Variants in ZBTB7C observed in about 807,000 individuals in gnomAD.
ZBTB7C encodes the protein zinc finger and BTB domain containing 7C.
A neutral mutation model predicts 25.7 loss-of-function variants in ZBTB7C; 8 were observed. The ratio of observed to expected loss-of-function variants is 0.31; its 90% CI spans 0.18 to 0.56. ZBTB7C has a LOEUF of 0.56. Ranked by LOEUF, ZBTB7C falls within the 20% of genes least tolerant of loss-of-function variation. The pLI, the probability that ZBTB7C is intolerant of heterozygous loss-of-function variation, is 0.91. For missense variants in ZBTB7C, 824 were observed against 855.2 expected (o/e 0.96, Z 0.46); for synonymous variants, 394 against 369.0 (o/e 1.07, Z -0.78).
intron 3 of ZBTB7C, among the ~76,000 whole-genome samples, chr18:48,063,716 G>C (rs2037211251): frequency 6.6e-6 from 1 of 152,202 alleles, no homozygotes; most frequent in Non-Finnish European, 1.5e-5. Flanking sequence ...GAGATGTCTT[G>C]AGAGGTGTAT....
In ZBTB7C at chr18:48,155,318, C is replaced by CTT. The variant is rs578058729; in HGVS notation, c.-17+30614_-17+30615dup. Reference sequence around the variant, plus strand: ...GAGGATTCCCTGTAACTGTAATATTCTTTTTTTTTTTTTTTTTTTTTTTTT... The same window carrying CTT: ...GAGGATTCCCTGTAACTGTAATATTCTTTTTTTTTTTTTTTTTTTTTTTTTTT... On this transcript the variant is annotated intron_variant, in intron 3 of 4. Transcript: ENST00000590800. Among the ~76,000 whole-genome samples, 186 of 78,042 alleles carry CTT rather than the reference C, an allele frequency of 2.4e-3. 22 individuals are homozygous for CTT. Among genetic ancestry groups the CTT allele is most frequent in the Middle Eastern group, 8.9e-3 (1 of 112 alleles). The allele number at this position is 78,042 out of a possible 152,430, so 51.2% of individuals were successfully genotyped here.
At chr18:48,041,882 T>C (rs1263163968) in intron 3 of ZBTB7C, among the ~76,000 whole-genome samples, 1 of 152,132 alleles carries the variant, frequency 6.6e-6, no homozygotes, top group Non-Finnish European at 1.5e-5. Flanking sequence ...AAGTACATTG[T>C]TAGTTAATTT....
At position 48,124,458 on chromosome 18, in the gene ZBTB7C, C is replaced by G. The variant is rs111499760; in HGVS notation, c.-17+61476G>C. Among the ~76,000 whole-genome samples the G allele has an allele frequency of 2.3e-3, 354 of 152,314 alleles. 4 individuals carry two copies. The highest frequency in any genetic ancestry group is 7.0e-3 in the African/African-American group (291 of 41,566). On this transcript the variant is annotated intron_variant, in intron 3 of 4. Transcript: ENST00000590800. ...TTATCTTTTGCACATGCTTTTACTA[C>G]TCAGTTATTGTTTATCGTATATTAA...
chr18:48,086,190 G>A (rs2038183062), intron 3 of ZBTB7C, among the ~76,000 whole-genome samples: 1 of 152,222 alleles, frequency 6.6e-6, no homozygotes, highest in South Asian at 2.1e-4. Flanking sequence ...ACCACAGGAA[G>A]AAATCACCAA....
intron 4 of ZBTB7C, among the ~76,000 whole-genome samples, chr18:48,031,983 C>T (rs1309917848): frequency 1.3e-5 from 2 of 152,244 alleles, no homozygotes; most frequent in African/African-American, 4.8e-5. Flanking sequence ...GATGGAAACA[C>T]TGATGCTAGG....
chr18:48,052,861 G>T (rs2036750722), intron 3 of ZBTB7C, among the ~76,000 whole-genome samples: 1 of 152,168 alleles, frequency 6.6e-6, no homozygotes, highest in South Asian at 2.1e-4. Context: ...TTTGGTTCCA[G>T]GATAGATCCT....
At chr18:48,130,129 C>T (rs1045823350) in intron 3 of ZBTB7C, among the ~76,000 whole-genome samples, 5 of 152,198 alleles carry the variant, frequency 3.3e-5, no homozygotes, top group African/African-American at 9.6e-5. Flanking sequence ...CTCCAAAATC[C>T]TCCTTCATCC....
rs1300372372 is a variant in ZBTB7C, at chr18:48,308,645, G to T, written c.-79+29529C>A. Among the ~76,000 whole-genome samples the T allele has an allele frequency of 2.6e-5, 4 of 152,240 alleles. No individual in the cohort carries two copies. The South Asian group carries it at 6.2e-4, about 24-fold the overall frequency. On this transcript the variant is annotated intron_variant, in intron 2 of 4. Transcript: ENST00000590800. ...ACAGCAATGCCAAACTTCAATAAGG[G>T]TTTCTAAGCATTTACTGTCAATGTC...
intron 2 of ZBTB7C, among the ~76,000 whole-genome samples, chr18:48,281,313 G>A (rs747929967): frequency 4.6e-5 from 7 of 152,140 alleles, no homozygotes; most frequent in Admixed American, 6.6e-5. Context: ...ATTAATTCAA[G>A]ATGGATTAAA....
At chr18:48,314,979 G>A (rs1389455861) in intron 2 of ZBTB7C, among the ~76,000 whole-genome samples, 1 of 152,194 alleles carries the variant, frequency 6.6e-6, no homozygotes, top group Non-Finnish European at 1.5e-5. Flanking sequence ...CCCTTCGGAT[G>A]AAAGGAGCCC....
intron 1 of ZBTB7C, among the ~76,000 whole-genome samples, chr18:48,400,723 C>T (rs999546882): frequency 6.6e-6 from 1 of 152,200 alleles, no homozygotes. Flanking sequence ...CTTGGATATA[C>T]TGGGTTAAAT....
intron 3 of ZBTB7C, among the ~76,000 whole-genome samples, chr18:48,080,065 C>T (rs753213347): frequency 2.0e-5 from 3 of 152,236 alleles, no homozygotes; most frequent in Admixed American, 6.5e-5. Context: ...AGCAGAATGG[C>T]GCCTTTGGGG....
At chr18:48,152,238 T>G (rs1010348632) in intron 3 of ZBTB7C, among the ~76,000 whole-genome samples, 4 of 152,124 alleles carry the variant, frequency 2.6e-5, no homozygotes, top group African/African-American at 9.7e-5. Context: ...TATGCAAAAC[T>G]GTACAAGTAT....
At chr18:48,312,790 G>C (rs2045853419) in intron 2 of ZBTB7C, among the ~76,000 whole-genome samples, 1 of 152,198 alleles carries the variant, frequency 6.6e-6, no homozygotes, top group Non-Finnish European at 1.5e-5. Context: ...TCAATCATTG[G>C]TTCAGCAGTG....
chr18:48,039,169 G>A (rs957890313), intron 4 of ZBTB7C, among the ~76,000 whole-genome samples: 2 of 152,200 alleles, frequency 1.3e-5, no homozygotes, highest in African/African-American at 2.4e-5. Flanking sequence ...ACAGCATAAA[G>A]TTGTCCCCCT....
At chr18:48,260,970 G>T (rs2044155297) in intron 2 of ZBTB7C, among the ~76,000 whole-genome samples, 1 of 152,162 alleles carries the variant, frequency 6.6e-6, no homozygotes. Flanking sequence ...AAATTTGTAT[G>T]AGCAAGGGCA....
chr18:48,398,633 T>C (rs564806040), intron 1 of ZBTB7C, among the ~76,000 whole-genome samples: 3 of 152,148 alleles, frequency 2.0e-5, no homozygotes, highest in East Asian at 1.9e-4. Flanking sequence ...GCATCTGTTC[T>C]CTTCTCCCAT....
At chr18:48,252,557 C>A (rs1300459661) in intron 2 of ZBTB7C, 1 of 152,266 alleles carries the variant, frequency 6.6e-6, no homozygotes, top group African/African-American at 2.4e-5. Flanking sequence ...CTGGTGTGTG[C>A]TCAGGTGTAC....
intron 2 of ZBTB7C, among the ~76,000 whole-genome samples, chr18:48,202,234 G>C (rs1388344414): frequency 2.0e-5 from 3 of 152,174 alleles, no homozygotes; most frequent in Non-Finnish European, 4.4e-5. Flanking sequence ...TAGTCTTTTG[G>C]GGACAACAGA....
Sources: allele counts gnomAD v4.1 joint callset (sites outside exome capture counted in the v4.1 genomes callset), GRCh38; gene constraint gnomAD v4.1.1; transcripts MANE v1.5; gene names NCBI Gene and HGNC (gene_info 2026-07-23, HGNC 2026-07-21).